Variants in PIK3R6 observed in about 807,000 individuals in gnomAD.
PIK3R6 encodes phosphoinositide 3-kinase regulatory subunit 6.
In PIK3R6, 91 loss-of-function variants were observed where a neutral mutation model predicts 84.9. That is an observed-to-expected ratio of 1.07 (90% CI 0.90 to 1.28). PIK3R6 has a LOEUF of 1.28. Among genes scored for constraint, PIK3R6 ranks in the 50% most tolerant of loss-of-function variants. The probability of loss-of-function intolerance (pLI) is 0.00; values close to 1 mark genes in which losing one functional copy is unlikely to be tolerated. For synonymous variants in PIK3R6, 416 were observed against 411.4 expected (o/e 1.01, Z -0.13); for missense variants, 996 against 985.1 (o/e 1.01, Z -0.15).
Position 8,803,510 on chromosome 17 carries a change from T to C in PIK3R6, c.2109-81A>G, listed in dbSNP as rs2087104786. ...GGGCATTTGAAAGGCAGAGCTGTTA[T>C]TGTAGGGCCTAGAGCTGTTATTGTA... On this transcript the variant is annotated intron_variant, in intron 19 of 19. Coordinates refer to ENST00000619866, the MANE Select transcript of PIK3R6 (RefSeq NM_001010855.4). The surrounding 1 kb of genome is among the most constrained non-coding windows in gnomAD (Gnocchi z 5.0). The C allele has an allele frequency of 2.9e-6, 4 of 1,375,036 alleles. No homozygotes were observed. The highest frequency in any genetic ancestry group is 3.0e-6 in the Non-Finnish European group (3 of 1,009,786). 85.2% of individuals were successfully genotyped at this position (1,375,036 alleles called of 1,614,324 possible).
rs1409756791 is a variant in PIK3R6 at position 8,832,896 on chromosome 17, G to A, written c.795C>T (p.Arg265=). Residue 265 remains arginine (R), a synonymous_variant, in exon 9 of 20, where the codon CGC becomes CGT. Transcript: ENST00000619866. The part of the protein sequence containing the change: ...YCSLLGPAAG[R]CGGDLVQERP... Reference sequence around the variant, plus strand: ...CATCTGCCAGTCGCTTACCACCGCAGCGCCCCGCCGCGGGACCCAGCAGCG... The same window carrying A: ...CATCTGCCAGTCGCTTACCACCGCAACGCCCCGCCGCGGGACCCAGCAGCG... 2 of 1,612,496 alleles carry A rather than the reference G, an allele frequency of 1.2e-6. No individual in the cohort carries two copies. Among genetic ancestry groups the A allele is most frequent in the African/African-American group, 2.7e-5 (2 of 74,918 alleles).
chr17:8,808,490 A>G (rs195769), intron 18 of PIK3R6, among the ~76,000 whole-genome samples: 3,597 of 152,350 alleles, frequency 0.024, 71 homozygotes, highest in Non-Finnish European at 0.036. Context: ...CTTGCTTAAC[A>G]TCATATAACT....
intron 10 of PIK3R6, 126 bp from the exon 11 acceptor site, chr17:8,829,116 T>C: frequency 3.3e-6 from 3 of 906,654 alleles, no homozygotes; most frequent in Non-Finnish European, 3.2e-6. Context: ...AAGACACACA[T>C]ATGAACATGC....
intron 1 of PIK3R6, among the ~76,000 whole-genome samples, chr17:8,857,947 C>T (rs1004100753): frequency 1.3e-5 from 2 of 151,830 alleles, no homozygotes; most frequent in African/African-American, 4.8e-5. Flanking sequence ...GAAACTTTAC[C>T]AGTAACTGTC....
chr17:8,833,260 A>G (rs2088326631), intron 8 of PIK3R6, among the ~76,000 whole-genome samples: 1 of 152,210 alleles, frequency 6.6e-6, no homozygotes. Context: ...CTCACACGCT[A>G]TTATGGGGAG....
In PIK3R6 at chr17:8,808,438, C is replaced by T. The variant is rs540187505; in HGVS notation, c.1996-4285G>A. Among the ~76,000 whole-genome samples, 24 of 152,142 alleles carry T rather than the reference C, an allele frequency of 1.6e-4. 3 individuals carry two copies. The South Asian group carries it at 5.0e-3, about 32-fold the overall frequency. On this transcript the variant is annotated intron_variant, in intron 18 of 19. Coordinates refer to ENST00000619866, the MANE Select transcript of PIK3R6 (RefSeq NM_001010855.4). The stretch of plus-strand genomic sequence containing the variant: ...CCCATGGATACTGAGGAATGACTGC[C>T]TCCCCTTTTTATAAAATGATACTGA...
chr17:8,824,093 A>G (rs2087841518), intron 13 of PIK3R6, among the ~76,000 whole-genome samples: 2 of 152,140 alleles, frequency 1.3e-5, no homozygotes, highest in Non-Finnish European at 2.9e-5. Flanking sequence ...AACATGGAGA[A>G]ACCTCATCTC....
rs1355861082 is a variant in PIK3R6 at position 8,832,977 on chromosome 17, G to C, written c.714C>G (p.Ser238Arg). ...AVVAALEQMASEASPSREGHV... is the reference protein window; with the variant it reads ...AVVAALEQMAREASPSREGHV... ...GTCCCTCCCGGCTCGGGCTGGCCTCGCTGGCCATCTGCTCCAAGGCGGCCA... is the reference window on the plus strand; with the variant it reads ...GTCCCTCCCGGCTCGGGCTGGCCTCCCTGGCCATCTGCTCCAAGGCGGCCA... Residue 238 changes from serine to arginine, a missense_variant, in exon 9 of 20, where the codon AGC becomes AGG. Transcript: ENST00000619866. 1 of 1,611,762 alleles carries C rather than the reference G, an allele frequency of 6.2e-7. No individual in the cohort carries two copies. Among genetic ancestry groups the C allele is most frequent in the Non-Finnish European group, 8.5e-7 (1 of 1,179,622 alleles).
intron 15 of PIK3R6, 62 bp downstream of exon 15, chr17:8,822,934 G>T: frequency 1.5e-6 from 2 of 1,344,962 alleles, no homozygotes; most frequent in Non-Finnish European, 1.1e-6. Context: ...AGAGGTGGAA[G>T]GATGAGAGTT....
intron 17 of PIK3R6, among the ~76,000 whole-genome samples, chr17:8,819,452 C>A (rs1343941466): frequency 6.6e-6 from 1 of 151,862 alleles, no homozygotes; most frequent in East Asian, 1.9e-4. Context: ...AATCCGCACG[C>A]CCTACCCTTT....
intron 1 of PIK3R6, among the ~76,000 whole-genome samples, chr17:8,861,548 G>C (rs930533436): frequency 6.6e-6 from 1 of 152,180 alleles, no homozygotes; most frequent in East Asian, 1.9e-4. Context: ...ACCTCTCACC[G>C]TTCTGGTCTG....
intron 17 of PIK3R6, among the ~76,000 whole-genome samples, chr17:8,820,251 G>A (rs1418622389): frequency 2.0e-5 from 3 of 151,942 alleles, no homozygotes. Flanking sequence ...CTGCTCTACC[G>A]AGGGTGCTGG....
chr17:8,852,738 CAAA>C (rs34620144), intron 1 of PIK3R6, among the ~76,000 whole-genome samples: 2 of 101,858 alleles, frequency 2.0e-5, no homozygotes, highest in African/African-American at 3.6e-5. Context: ...GACTCTGTCT[CAAA>C]AAAAAAAAAA....
At position 8,814,887 on chromosome 17, in the gene PIK3R6, T is replaced by C. The variant is rs190010490; in HGVS notation, c.1995+4196A>G. 4.6e-5 allele frequency among the ~76,000 whole-genome samples: 7 copies of C among 152,070 alleles called. No individual in the cohort carries two copies. The East Asian group carries it at 1.4e-3, about 30-fold the overall frequency. On this transcript the variant is annotated intron_variant, in intron 18 of 19. Transcript: ENST00000619866. Reference sequence around the variant, plus strand: ...TATATTCTTGTGACATTCAGAATCTTCTCTGAAATTTAGTATTTATGGCTT... The same window carrying C: ...TATATTCTTGTGACATTCAGAATCTCCTCTGAAATTTAGTATTTATGGCTT...
rs147833109 is a variant in PIK3R6 at position 8,807,952 on chromosome 17, A to T, written c.1996-3799T>A. ...ATTTGCCTGGGACTTTCCTGGTGTT[A>T]GCACTTAAAGTCCCAAGTCCAAGAA... On this transcript the variant is annotated intron_variant, in intron 18 of 19. Coordinates refer to ENST00000619866, the MANE Select transcript of PIK3R6 (RefSeq NM_001010855.4). Among the ~76,000 whole-genome samples, 118 of 152,266 alleles carry T rather than the reference A, an allele frequency of 7.7e-4. 1 individual carries two copies. The highest frequency in any genetic ancestry group is 2.5e-3 in the African/African-American group (103 of 41,560).
intron 1 of PIK3R6, among the ~76,000 whole-genome samples, chr17:8,858,264 C>T (rs975170664): frequency 6.6e-6 from 1 of 151,062 alleles, no homozygotes; most frequent in African/African-American, 2.4e-5. Context: ...ATAAAGCTTG[C>T]CCTTTCAAGC....
At chr17:8,823,621 C>T (rs965797310) in intron 13 of PIK3R6, 124 bp from the exon 14 acceptor site, 3 of 656,158 alleles carry the variant, frequency 4.6e-6, no homozygotes, top group Non-Finnish European at 8.3e-6. Flanking sequence ...GTGCGTCCTT[C>T]AACACATTCC....
At chr17:8,832,006 A>C (rs929453053) in intron 9 of PIK3R6, among the ~76,000 whole-genome samples, 9 of 152,228 alleles carry the variant, frequency 5.9e-5, no homozygotes, top group Non-Finnish European at 1.0e-4. Flanking sequence ...AGGAATAAAA[A>C]TCTATGATAC....
Position 8,828,686 on chromosome 17 carries a change from G to C in PIK3R6, c.1194C>G (p.Gly398=), listed in dbSNP as rs755310223. 1.7e-5 allele frequency: 27 copies of C among 1,611,552 alleles called. No individual in the cohort carries two copies. Among genetic ancestry groups the C allele is most frequent in the East Asian group, 2.2e-5 (1 of 44,828 alleles). The part of the protein sequence containing the change: ...DGPPGLHRRT[G]RPSGDGEMLP... ...GCATTTCCCCATCCCCACTGGGCCGGCCTGTCCTCCGGTGCAGCCCTGGGG... is the reference window on the plus strand; with the variant it reads ...GCATTTCCCCATCCCCACTGGGCCGCCCTGTCCTCCGGTGCAGCCCTGGGG... Residue 398 remains glycine (G), a synonymous_variant, in exon 11 of 20, where the codon GGC becomes GGG. Coordinates refer to ENST00000619866, the MANE Select transcript of PIK3R6 (RefSeq NM_001010855.4).
Sources: allele counts gnomAD v4.1 joint callset (sites outside exome capture counted in the v4.1 genomes callset), GRCh38; gene constraint gnomAD v4.1.1; non-coding constraint Gnocchi (gnomAD v3.1); transcripts MANE v1.5; gene names NCBI Gene and HGNC (gene_info 2026-07-23, HGNC 2026-07-21).